Variants in PAICS observed in about 807,000 individuals in gnomAD.
PAICS encodes the protein phosphoribosylaminoimidazole carboxylase and phosphoribosylaminoimidazolesuccinocarboxamide synthase, also known as bifunctional phosphoribosylaminoimidazole carboxylase/phosphoribosylaminoimidazole succinocarboxamide synthetase.
Under a neutral mutation model 53.7 loss-of-function variants are expected in PAICS, and 33 were observed. The observed-to-expected ratio is 0.61, with a 90% confidence interval of 0.47 to 0.82. The LOEUF is 0.82. PAICS is among the 40% of genes least tolerant of loss of function. The pLI, the probability that PAICS is intolerant of heterozygous loss-of-function variation, is 0.00. For missense variants in PAICS, 394 were observed against 494.1 expected (o/e 0.80, Z 1.92); for synonymous variants, 141 against 167.2 (o/e 0.84, Z 1.21).
intron 3 of PAICS, among the ~76,000 whole-genome samples, chr4:56,447,365 CTT>C (rs1718675263): frequency 6.6e-6 from 1 of 151,924 alleles, no homozygotes; most frequent in Non-Finnish European, 1.5e-5. Context: ...AGTTATGTAA[CTT>C]GTGTGTATTA....
chr4:56,435,684 A>G (rs1047810894), upstream of PAICS: 2 of 1,452,124 alleles, frequency 1.4e-6, no homozygotes, highest in Non-Finnish European at 1.8e-6. Context: ...CGAGTCCACC[A>G]ACGAGCGAGG....
upstream of PAICS, among the ~76,000 whole-genome samples, chr4:56,435,157 GGCTAAAGTTCATGGAA>G (rs1175841563): frequency 6.6e-6 from 1 of 152,234 alleles, no homozygotes; most frequent in Non-Finnish European, 1.5e-5. Flanking sequence ...GGGCAGGACA[GGCTAAAGTTCATGGAA>G]GCGAGGTGCC....
intron 1 of PAICS, chr4:56,436,703 C>A: frequency 6.5e-6 from 3 of 459,730 alleles, no homozygotes; most frequent in Middle Eastern, 3.3e-4. Context: ...TTTTGAAAGA[C>A]CTGTCTAGAG....
chr4:56,452,114 CT>C, intron 7 of PAICS, 62 bp downstream of exon 7: 1 of 1,033,662 alleles, frequency 9.7e-7, no homozygotes, highest in Non-Finnish European at 1.4e-6. Context: ...TAATTACACA[CT>C]TTAGACTAAT....
At chr4:56,427,642 TAAAAAA>T in the PAICS span, among the ~76,000 whole-genome samples, 135 of 140,540 alleles carry the variant, frequency 9.6e-4, 1 homozygote, top group African/African-American at 3.1e-3. Flanking sequence ...CCCTGTCTCT[TAAAAAA>T]AAAAAAAAAA....
chr4:56,426,747 T>C, the PAICS span, among the ~76,000 whole-genome samples: 6 of 152,318 alleles, frequency 3.9e-5, no homozygotes, highest in African/African-American at 1.2e-4. Context: ...CTGGTACAAT[T>C]TTTTTCCCAT....
chr4:56,452,902 A>G (rs1264266790), intron 7 of PAICS, among the ~76,000 whole-genome samples: 1 of 152,202 alleles, frequency 6.6e-6, no homozygotes, highest in East Asian at 1.9e-4. Flanking sequence ...GGTTGTTGCT[A>G]TGGAAGTGTA....
At chr4:56,433,730 T>C (rs1013205571), upstream of PAICS, among the ~76,000 whole-genome samples, 2 of 151,250 alleles carry the variant, frequency 1.3e-5, no homozygotes, top group African/African-American at 2.4e-5. Context: ...AGTCTCGCTC[T>C]GTCGCCCAGG....
At position 56,463,609 on chromosome 4, in the gene PAICS, C is replaced by T. The variant is rs1719587176; in HGVS notation, c.*4071C>T. ...TCGGGAGGCTGAGGCAGGAGAATCG[C>T]TTGAACCTGGAAGGCAGAGGTTGTG... On this transcript the variant is annotated 3_prime_UTR_variant, in exon 9 of 9. Coordinates refer to ENST00000512576, the MANE Select transcript of PAICS (RefSeq NM_001079524.2). 1 of 150,428 alleles carries T rather than the reference C, an allele frequency of 6.6e-6. No individual in the cohort carries two copies. 9.3% of individuals were successfully genotyped at this position (150,428 alleles called of 1,614,324 possible).
At chr4:56,412,787 G>A in the PAICS span, among the ~76,000 whole-genome samples, 2 of 152,024 alleles carry the variant, frequency 1.3e-5, no homozygotes, top group African/African-American at 2.4e-5. Flanking sequence ...GTCTCATATG[G>A]AATATTAATG....
chr4:56,411,028 CTG>C, the PAICS span: 3 of 671,730 alleles, frequency 4.5e-6, no homozygotes, highest in Non-Finnish European at 5.5e-6. Flanking sequence ...AATATCAAGA[CTG>C]TGGAAAAATA....
chr4:56,416,415 C>T, the PAICS span: 1 of 862,298 alleles, frequency 1.2e-6, no homozygotes, highest in Non-Finnish European at 1.4e-6. Context: ...CTTCTGGTTT[C>T]TCATGTCAGA....
At chr4:56,416,721 T>A in the PAICS span, among the ~76,000 whole-genome samples, 1 of 152,232 alleles carries the variant, frequency 6.6e-6, no homozygotes, top group Non-Finnish European at 1.5e-5. Context: ...ATGAACATGA[T>A]CACTTTAGTG....
chr4:56,418,149 T>C, the PAICS span, among the ~76,000 whole-genome samples: 1 of 151,874 alleles, frequency 6.6e-6, no homozygotes, highest in Non-Finnish European at 1.5e-5. Context: ...AGATTATTTT[T>C]AATGCAAACA....
the PAICS span, among the ~76,000 whole-genome samples, chr4:56,426,333 C>T: frequency 1.4e-4 from 22 of 151,888 alleles, no homozygotes; most frequent in African/African-American, 4.8e-4. Context: ...ACCCAGGAGG[C>T]GGAGGTTGCA....
At chr4:56,413,259 C>T in the PAICS span, among the ~76,000 whole-genome samples, 90 of 152,198 alleles carry the variant, frequency 5.9e-4, no homozygotes, top group African/African-American at 2.0e-3. Context: ...CAGGTTCAAG[C>T]GATTCTCCTG....
the PAICS span, among the ~76,000 whole-genome samples, chr4:56,426,320 T>C: frequency 6.6e-6 from 1 of 151,952 alleles, no homozygotes; most frequent in Non-Finnish European, 1.5e-5. Flanking sequence ...GAGAATCACT[T>C]GAACCCAGGA....
At chr4:56,422,516 T>TGTGA in the PAICS span, 2 of 138,334 alleles carry the variant, frequency 1.4e-5, no homozygotes, top group African/African-American at 5.5e-5. Context: ...TGTGTGTGTG[T>TGTGA]GACAAAGTAT....
intron 2 of PAICS, among the ~76,000 whole-genome samples, chr4:56,444,327 TA>T (rs1452650944): frequency 6.6e-6 from 1 of 152,172 alleles, no homozygotes. Context: ...TTTTATTACT[TA>T]AAAATTAAAA....
Sources: gnomAD v4.1 joint callset for allele counts (sites outside exome capture counted in the v4.1 genomes callset) on GRCh38, gnomAD v4.1.1 for gene constraint, MANE v1.5 for transcripts, NCBI Gene and HGNC (gene_info 2026-07-23, HGNC 2026-07-21) for gene names.